The following MACROD2 variants were observed in gnomAD, a reference collection of about 807,000 sequenced individuals.
The protein encoded by MACROD2 is mono-ADP ribosylhydrolase 2.
MACROD2 carries 36 observed loss-of-function variants against 70.4 expected under a neutral mutation model. The observed-to-expected ratio is 0.51, with a 90% confidence interval of 0.39 to 0.68. The LOEUF (loss-of-function observed/expected upper bound fraction) is 0.68. Among genes scored for constraint, MACROD2 ranks in the 30% least tolerant of loss-of-function variants. The probability of loss-of-function intolerance (pLI) is 0.00; values close to 1 mark genes in which losing one functional copy is unlikely to be tolerated. For synonymous variants in MACROD2, 172 were observed against 178.8 expected, an observed-to-expected ratio of 0.96 and a Z score of 0.30; for missense variants, 496 against 538.4, an observed-to-expected ratio of 0.92 and a Z score of 0.78.
chr20:14,793,250 A>G (rs1439486926), intron 5 of MACROD2, among the ~76,000 whole-genome samples: 4 of 152,032 alleles, frequency 2.6e-5, no homozygotes, highest in African/African-American at 9.7e-5. Context: ...TAGAAATTAA[A>G]CATATATAGT....
chr20:14,810,178 C>T (rs546654718), intron 5 of MACROD2, among the ~76,000 whole-genome samples: 42 of 152,110 alleles, frequency 2.8e-4, no homozygotes, highest in African/African-American at 8.4e-4. Context: ...AACTTTGATG[C>T]GAAAATCCTC....
At chr20:14,252,055 G>A (rs745787798) in intron 3 of MACROD2, among the ~76,000 whole-genome samples, 8 of 152,022 alleles carry the variant, frequency 5.3e-5, no homozygotes, top group Non-Finnish European at 1.0e-4. Context: ...AATCTTTTAT[G>A]TGTCCCACTA....
chr20:15,216,686 G>T (rs2076813386), intron 5 of MACROD2, among the ~76,000 whole-genome samples: 1 of 152,232 alleles, frequency 6.6e-6, no homozygotes, highest in South Asian at 2.1e-4. Flanking sequence ...AGCTGACTGT[G>T]ACAGCGACAA....
intron 6 of MACROD2, among the ~76,000 whole-genome samples, chr20:15,426,201 T>TA (rs35840462): frequency 0.019 from 1,829 of 94,726 alleles, 12 homozygotes; most frequent in African/African-American, 0.042. Flanking sequence ...GAATGATCAA[T>TA]AAAAAAAAAA....
rs1178362357 is a variant in MACROD2, at chr20:14,160,879, G to T, written c.271+75151G>T. On this transcript the variant is annotated intron_variant, in intron 3 of 17. Transcript: ENST00000684519. Reference sequence around the variant, plus strand: ...TTAAATTCAGAGGGTATGTGTGCAGGTTTCTTATGTGGATATATTGCATAA... The same window carrying T: ...TTAAATTCAGAGGGTATGTGTGCAGTTTTCTTATGTGGATATATTGCATAA... Among the ~76,000 whole-genome samples, 6 of 151,852 alleles carry T rather than the reference G, an allele frequency of 4.0e-5. No individual in the cohort carries two copies. In the East Asian group the frequency reaches 9.7e-4, roughly 24 times the overall value.
chr20:15,721,857 G>A (rs1997800), intron 8 of MACROD2, among the ~76,000 whole-genome samples: 95,716 of 151,952 alleles, frequency 0.63, 33,337 homozygotes, highest in Non-Finnish European at 0.79. Context: ...AGCAAAACAG[G>A]AGCCCCTGAT....
Position 14,326,240 on chromosome 20 carries a change from T to C in MACROD2, c.272-167239T>C, listed in dbSNP as rs202012290. 5.3e-5 allele frequency: 85 copies of C among 1,613,774 alleles called. No individual in the cohort carries two copies. Among genetic ancestry groups the C allele is most frequent in the Non-Finnish European group, 7.0e-5 (82 of 1,179,852 alleles). On this transcript the variant is annotated intron_variant, in intron 3 of 17. Coordinates refer to ENST00000684519, the MANE Select transcript of MACROD2 (RefSeq NM_001351661.2). The surrounding 1 kb of genome is among the most constrained non-coding windows in gnomAD (Gnocchi z 5.5). ...AGAGCAAGTTTCCAAGAGATATGAA[T>C]GGTATCAGAGGTGACAGACTTCACA...
At chr20:14,087,264 C>T (rs745343780) in intron 3 of MACROD2, among the ~76,000 whole-genome samples, 2 of 151,918 alleles carry the variant, frequency 1.3e-5, no homozygotes, top group African/African-American at 4.8e-5. Flanking sequence ...GGTGTGATGG[C>T]GAGTGCCTGT....
At chr20:14,241,116 A>C (rs1266035189) in intron 3 of MACROD2, among the ~76,000 whole-genome samples, 1 of 148,300 alleles carries the variant, frequency 6.7e-6, no homozygotes, top group Non-Finnish European at 1.5e-5. Flanking sequence ...ACTCCGTCTC[A>C]AAAAAAAAAA....
intron 8 of MACROD2, among the ~76,000 whole-genome samples, chr20:15,626,655 G>A (rs945498912): frequency 2.6e-5 from 4 of 152,192 alleles, no homozygotes; most frequent in African/African-American, 7.2e-5. Flanking sequence ...AGGAGTTTGA[G>A]ACCAGCTTGG....
At chr20:14,862,658 T>TATATATAAATATATATATATAA (rs2073380133) in intron 5 of MACROD2, among the ~76,000 whole-genome samples, 2 of 45,488 alleles carry the variant, frequency 4.4e-5, no homozygotes, top group African/African-American at 1.7e-4. Context: ...TATATATAAA[T>TATATATAAATATATATATATAA]ATATATATAA....
chr20:14,437,956 C>CAGCT (rs1568611677), intron 3 of MACROD2, among the ~76,000 whole-genome samples: 1 of 152,122 alleles, frequency 6.6e-6, no homozygotes, highest in Non-Finnish European at 1.5e-5. Context: ...GTGACAAGAA[C>CAGCT]AGCTATATCT....
chr20:14,747,674 A>G (rs760902950), intron 5 of MACROD2, among the ~76,000 whole-genome samples: 9 of 152,052 alleles, frequency 5.9e-5, no homozygotes, highest in Admixed American at 1.3e-4. Flanking sequence ...GAGGGAGGCC[A>G]AGGGAGAATC....
At chr20:14,722,230 C>T (rs75594673) in intron 5 of MACROD2, among the ~76,000 whole-genome samples, 11 of 152,222 alleles carry the variant, frequency 7.2e-5, no homozygotes, top group East Asian at 1.9e-4. Context: ...GCTTTGCTGG[C>T]GCAGTGTCCA....
intron 8 of MACROD2, among the ~76,000 whole-genome samples, chr20:15,665,127 G>C (rs2049879639): frequency 6.6e-6 from 1 of 152,182 alleles, no homozygotes; most frequent in Admixed American, 6.5e-5. Flanking sequence ...TGAAAAGGGA[G>C]ATGGCTAGGT....
chr20:15,192,442 G>A (rs1170995540), intron 5 of MACROD2, among the ~76,000 whole-genome samples: 2 of 152,194 alleles, frequency 1.3e-5, no homozygotes, highest in African/African-American at 4.8e-5. Flanking sequence ...TACTGTGAGA[G>A]TGATGTAGAC....
intron 6 of MACROD2, among the ~76,000 whole-genome samples, chr20:15,362,529 C>T (rs1437330218): frequency 5.3e-5 from 8 of 151,936 alleles, no homozygotes; most frequent in Non-Finnish European, 8.8e-5. Flanking sequence ...TTGTCAAATT[C>T]TTTTCCTGCA....
intron 5 of MACROD2, among the ~76,000 whole-genome samples, chr20:14,914,924 A>G (rs1293320333): frequency 5.3e-5 from 8 of 152,202 alleles, no homozygotes; most frequent in Non-Finnish European, 1.0e-4. Flanking sequence ...TGCGACAGAG[A>G]AATGTAAGGA....
chr20:14,293,659 T>C (rs1324456170), intron 3 of MACROD2, among the ~76,000 whole-genome samples: 1 of 151,878 alleles, frequency 6.6e-6, no homozygotes, highest in Non-Finnish European at 1.5e-5. Flanking sequence ...GAGTGTGGAC[T>C]TTATTCTTAT....
Sources: allele counts gnomAD v4.1 joint callset (sites outside exome capture counted in the v4.1 genomes callset), GRCh38; gene constraint gnomAD v4.1.1; non-coding constraint Gnocchi (gnomAD v3.1); transcripts MANE v1.5; gene names NCBI Gene and HGNC (gene_info 2026-07-23, HGNC 2026-07-21).